TTC27: variants seen among roughly 807,000 people sequenced by gnomAD.
The protein encoded by TTC27 is tetratricopeptide repeat protein 27.
TTC27 carries 79 observed loss-of-function variants against 115.9 expected under a neutral mutation model. The observed-to-expected ratio is 0.68, with a 90% CI of 0.57 to 0.82. The LOEUF (loss-of-function observed/expected upper bound fraction) is 0.82. Ranked by LOEUF, TTC27 falls within the 40% of genes least tolerant of loss-of-function variation. The probability of loss-of-function intolerance (pLI) is 0.00; values close to 1 mark genes in which losing one functional copy is unlikely to be tolerated. For synonymous variants in TTC27, 401 were observed against 356.0 expected (o/e 1.13, Z -1.42); for missense variants, 1,054 against 993.1 (o/e 1.06, Z -0.82).
intron 16 of TTC27, among the ~76,000 whole-genome samples, chr2:32,800,261 C>T (rs895903713): frequency 1.3e-5 from 2 of 152,290 alleles, no homozygotes; most frequent in Admixed American, 1.3e-4. Flanking sequence ...GATCTCAGCT[C>T]ACTGCAACCT....
intron 12 of TTC27, among the ~76,000 whole-genome samples, chr2:32,743,197 C>T (rs1668703518): frequency 6.6e-6 from 1 of 152,140 alleles, no homozygotes; most frequent in Non-Finnish European, 1.5e-5. Flanking sequence ...AAGAACCACT[C>T]TTATCACACA....
intron 16 of TTC27, among the ~76,000 whole-genome samples, chr2:32,807,963 C>T (rs776370454): frequency 1.4e-4 from 16 of 114,108 alleles, no homozygotes; most frequent in South Asian, 2.7e-4. Context: ...GACAGAGTTT[C>T]GCTCTTGTTA....
intron 9 of TTC27, among the ~76,000 whole-genome samples, chr2:32,688,623 C>T (rs1572517013): frequency 6.6e-6 from 1 of 151,984 alleles, no homozygotes; most frequent in Non-Finnish European, 1.5e-5. Flanking sequence ...GACACTTGAA[C>T]AAAGATATAT....
At chr2:32,643,522 G>A (rs528257061) in intron 4 of TTC27, among the ~76,000 whole-genome samples, 72 of 151,794 alleles carry the variant, frequency 4.7e-4, no homozygotes, top group African/African-American at 1.7e-3. Flanking sequence ...TGGCCAACTG[G>A]TCTCAAACTC....
At chr2:32,751,609 G>A (rs764121270) in intron 12 of TTC27, among the ~76,000 whole-genome samples, 9 of 152,132 alleles carry the variant, frequency 5.9e-5, no homozygotes, top group Non-Finnish European at 1.0e-4. Context: ...ACCACTCATC[G>A]TGATGATGTT....
intron 7 of TTC27, among the ~76,000 whole-genome samples, chr2:32,669,861 A>G (rs35725580): frequency 0.82 from 118,395 of 144,950 alleles, 48,496 homozygotes; most frequent in Middle Eastern, 0.88. Context: ...ACTCCAGCCT[A>G]GGTGACTAAG....
intron 10 of TTC27, among the ~76,000 whole-genome samples, chr2:32,708,776 G>T (rs1421700509): frequency 1.3e-5 from 2 of 152,152 alleles, no homozygotes; most frequent in Middle Eastern, 3.4e-3. Context: ...AGTGGAAAAG[G>T]GGGATGAGGA....
chr2:32,668,030 A>C (rs933194299), intron 7 of TTC27, among the ~76,000 whole-genome samples: 3 of 144,622 alleles, frequency 2.1e-5, no homozygotes, highest in African/African-American at 7.6e-5. Flanking sequence ...TTAAAAATAC[A>C]AAAAAAAAAA....
At chr2:32,790,051 AT>A (rs1354406733) in intron 16 of TTC27, among the ~76,000 whole-genome samples, 1 of 151,924 alleles carries the variant, frequency 6.6e-6, no homozygotes, top group African/African-American at 2.4e-5. Context: ...TCTAAAAAAA[AT>A]AGCTATATTT....
chr2:32,706,077 C>CTTTTTTTTTT (rs148953090), intron 10 of TTC27, among the ~76,000 whole-genome samples: 3 of 53,230 alleles, frequency 5.6e-5, no homozygotes, highest in African/African-American at 2.7e-4. Flanking sequence ...TTACCTTACT[C>CTTTTTTTTTT]TTTTTTTTTT....
At chr2:32,735,640 A>G (rs560878521) in intron 11 of TTC27, among the ~76,000 whole-genome samples, 99 of 147,576 alleles carry the variant, frequency 6.7e-4, no homozygotes, top group African/African-American at 2.3e-3. Flanking sequence ...TTTATTATAA[A>G]AAGAGAATTA....
rs1227086886 is a variant in TTC27, at chr2:32,664,418, T to G, written c.756T>G (p.Asp252Glu). 6.2e-7 allele frequency: 1 copy of G among 1,612,230 alleles called. No homozygotes were observed. Among genetic ancestry groups the G allele is most frequent in the Admixed American group, 1.7e-5 (1 of 59,652 alleles). Reference sequence around the variant, plus strand: ...ATTATGAGTACAGAAAAGCAAAAGATCAGTTGGATATTGCTAAGGACATCA... The same window carrying G: ...ATTATGAGTACAGAAAAGCAAAAGAGCAGTTGGATATTGCTAAGGACATCA... The part of the protein sequence containing the change: ...LYYYEYRKAK[D>E]QLDIAKDISQ... The change falls in exon 6 of 20, where the codon GAT becomes GAG. Residue 252 changes from aspartate (D) to glutamate (E), a missense_variant. Asp to Glu is a conservative substitution (Grantham distance 45, BLOSUM62 2). Transcript: ENST00000317907.
chr2:32,776,129 G>T (rs929725311), intron 13 of TTC27, among the ~76,000 whole-genome samples: 2 of 152,078 alleles, frequency 1.3e-5, no homozygotes, highest in East Asian at 3.9e-4. Context: ...CCTCTTTTCA[G>T]TCATTACCTG....
rs779547700 is a variant in TTC27, at chr2:32,692,036, G to GTTTTTTTT, written c.1120-10752_1120-10745dup. 1.5e-3 allele frequency among the ~76,000 whole-genome samples: 93 copies of GTTTTTTTT among 61,206 alleles called. 15 individuals are homozygous for GTTTTTTTT. Among genetic ancestry groups the GTTTTTTTT allele is most frequent in the African/African-American group, 3.8e-3 (62 of 16,390 alleles). 40.2% of individuals were successfully genotyped at this position (61,206 alleles called of 152,430 possible). A position where few individuals can be genotyped will look rare whatever the true frequency, so the allele number is the denominator to read the frequency against. Reference sequence around the variant, plus strand: ...GGGATATTCTTTTTTAATTTTTTAGGTTTTTTTTTTTTTTTTTTTTTTTTT... The same window carrying GTTTTTTTT: ...GGGATATTCTTTTTTAATTTTTTAGGTTTTTTTTTTTTTTTTTTTTTTTTTTTTTTTTT... On this transcript the variant is annotated intron_variant, in intron 9 of 19. Transcript: ENST00000317907.
At chr2:32,640,034 A>C (rs1664581319) in intron 3 of TTC27, among the ~76,000 whole-genome samples, 1 of 152,064 alleles carries the variant, frequency 6.6e-6, no homozygotes, top group African/African-American at 2.4e-5. Flanking sequence ...AAACACCAAA[A>C]ACCCAAAAAA....
Position 32,754,298 on chromosome 2 carries a change from G to T in TTC27, c.1453-3994G>T, listed in dbSNP as rs552699228. Reference sequence around the variant, plus strand: ...TAGGCAGAGGACCCTTCGGCCTTCCGCAGTGTTTGTGTCCCTGGGTACTTG... The same window carrying T: ...TAGGCAGAGGACCCTTCGGCCTTCCTCAGTGTTTGTGTCCCTGGGTACTTG... On this transcript the variant is annotated intron_variant, in intron 12 of 19. Transcript: ENST00000317907. Among the ~76,000 whole-genome samples the T allele has an allele frequency of 8.7e-4, 131 of 150,770 alleles. 3 individuals are homozygous for T. The highest frequency in any genetic ancestry group is 8.0e-3 in the Admixed American group (121 of 15,150).
chr2:32,755,176 G>A (rs1044974655), intron 12 of TTC27, among the ~76,000 whole-genome samples: 4 of 152,146 alleles, frequency 2.6e-5, no homozygotes, highest in South Asian at 2.1e-4. Context: ...CTTCCCAGAC[G>A]GGGTGGCGGC....
intron 4 of TTC27, among the ~76,000 whole-genome samples, chr2:32,645,650 T>C (rs1186273858): frequency 6.6e-6 from 1 of 152,144 alleles, no homozygotes; most frequent in Non-Finnish European, 1.5e-5. Flanking sequence ...CTGTACCCAT[T>C]AACTCGTCAT....
Position 32,721,941 on chromosome 2 carries a change from G to A in TTC27, c.1234-11887G>A, listed in dbSNP as rs117460064. Among the ~76,000 whole-genome samples, 42 of 152,310 alleles carry A rather than the reference G, an allele frequency of 2.8e-4. 2 individuals carry two copies. The East Asian group carries it at 7.3e-3, about 27-fold the overall frequency. The stretch of plus-strand genomic sequence containing the variant: ...CAGTGCTTCACTTTCCTTATTGGTA[G>A]GGTGGGGATGGCTGTCAAGCCTACC... On this transcript the variant is annotated intron_variant, in intron 10 of 19. Coordinates refer to ENST00000317907, the MANE Select transcript of TTC27 (RefSeq NM_017735.5).
Sources: allele counts gnomAD v4.1 joint callset (sites outside exome capture counted in the v4.1 genomes callset), GRCh38; gene constraint gnomAD v4.1.1; transcripts MANE v1.5; gene names NCBI Gene and HGNC (gene_info 2026-07-23, HGNC 2026-07-21).